Variants in MX1 observed in about 807,000 individuals in gnomAD.
MX1 encodes MX dynamin like GTPase 1, also known as interferon-induced GTP-binding protein Mx1.
In MX1, 66 loss-of-function variants were observed where a neutral mutation model predicts 66.4. The observed-to-expected ratio is 0.99, with a 90% confidence interval of 0.82 to 1.22. The LOEUF is 1.22. MX1 is among the 50% of genes most tolerant of loss of function. The pLI, the probability that MX1 is intolerant of heterozygous loss-of-function variation, is 0.00. For synonymous variants in MX1, 311 were observed against 318.1 expected (o/e 0.98, Z 0.24); for missense variants, 787 against 834.3 (o/e 0.94, Z 0.70).
chr21:41,455,773 G>A (rs1420990943), intron 16 of MX1, among the ~76,000 whole-genome samples: 1 of 152,212 alleles, frequency 6.6e-6, no homozygotes, highest in Non-Finnish European at 1.5e-5. Context: ...GTGGTATATT[G>A]AGCCAGCTCC....
At chr21:41,423,646 C>T (rs2090015689), upstream of MX1, among the ~76,000 whole-genome samples, 1 of 152,154 alleles carries the variant, frequency 6.6e-6, no homozygotes, top group Non-Finnish European at 1.5e-5. Flanking sequence ...TCCAGCTCGT[C>T]CCGTCTCTCA....
chr21:41,458,788 A>T lies in MX1; in HGVS notation c.*30A>T. On this transcript the variant is annotated 3_prime_UTR_variant, in exon 17 of 17. Coordinates refer to ENST00000398598, the MANE Select transcript of MX1 (RefSeq NM_002462.5). ...ACTCTGTCCAGCCCCGTAGACGTGC[A>T]CGCACACTGTCTGCCCCCGTTCCCG... The T allele has an allele frequency of 6.3e-7, 1 of 1,596,266 alleles. No individual in the cohort carries two copies. The highest frequency in any genetic ancestry group is 2.3e-5 in the East Asian group (1 of 44,018).
intron 16 of MX1, among the ~76,000 whole-genome samples, chr21:41,458,140 G>A (rs1285548952): frequency 6.6e-5 from 10 of 152,052 alleles, no homozygotes; most frequent in African/African-American, 1.2e-4. Context: ...ATGGTGTGCC[G>A]CCACACCTGG....
chr21:41,434,865 A>G (rs1469638336), intron 5 of MX1, among the ~76,000 whole-genome samples: 1 of 152,208 alleles, frequency 6.6e-6, no homozygotes, highest in Non-Finnish European at 1.5e-5. Flanking sequence ...CCCTTCTAGT[A>G]TAGACTCCTT....
chr21:41,444,472 G>T (rs1422402726), intron 11 of MX1, among the ~76,000 whole-genome samples: 1 of 151,414 alleles, frequency 6.6e-6, no homozygotes, highest in Non-Finnish European at 1.5e-5. Flanking sequence ...GATTACAGGT[G>T]CCCACCACCA....
intron 5 of MX1, among the ~76,000 whole-genome samples, chr21:41,435,318 A>G (rs1397533626): frequency 6.6e-6 from 1 of 152,094 alleles, no homozygotes; most frequent in Non-Finnish European, 1.5e-5. Context: ...GTTTGAGGGA[A>G]TTGTATGTAT....
chr21:41,448,766 A>G (rs533484123), intron 13 of MX1, among the ~76,000 whole-genome samples: 2 of 152,152 alleles, frequency 1.3e-5, no homozygotes, highest in African/African-American at 4.8e-5. Context: ...AGATCACGCC[A>G]CTGCACTCCA....
rs1337204689 is a variant in MX1 at position 41,440,862 on chromosome 21, G to A, written c.592-25G>A. The A allele has an allele frequency of 5.0e-6, 8 of 1,613,900 alleles. No individual in the cohort carries two copies. The Admixed American group carries it at 6.7e-5, about 13-fold the overall frequency. Reference sequence around the variant, plus strand: ...TCACTTGCCTTTGCCATACTCACGAGTCACCTCCTCTCATTTCCTTACAGA... The same window carrying A: ...TCACTTGCCTTTGCCATACTCACGAATCACCTCCTCTCATTTCCTTACAGA... On this transcript the variant is annotated intron_variant, in intron 8 of 16. Coordinates refer to ENST00000398598, the MANE Select transcript of MX1 (RefSeq NM_002462.5).
intron 7 of MX1, among the ~76,000 whole-genome samples, chr21:41,439,170 C>T (rs1476394542): frequency 6.6e-6 from 1 of 151,014 alleles, no homozygotes; most frequent in African/African-American, 2.4e-5. Context: ...GTGGTGTTAG[C>T]CAACAATTTG....
upstream of MX1, chr21:41,421,832 C>G (rs1166616598): frequency 6.5e-6 from 1 of 153,022 alleles, no homozygotes. Context: ...TTGCTTTTCC[C>G]CACAGGCACC....
intron 3 of MX1, chr21:41,429,916 A>AAAG (rs1437866395): frequency 3.3e-5 from 5 of 151,704 alleles, no homozygotes; most frequent in Admixed American, 1.3e-4. Flanking sequence ...AAAAAAAAAA[A>AAAG]AAAAAGAAAG....
intron 3 of MX1, among the ~76,000 whole-genome samples, chr21:41,430,084 A>G (rs1412796465): frequency 6.6e-6 from 1 of 151,910 alleles, no homozygotes; most frequent in African/African-American, 2.4e-5. Context: ...GCACTTCCCA[A>G]CCTTCCTGAC....
chr21:41,421,348 C>T (rs1275079671), upstream of MX1: 1 of 152,190 alleles, frequency 6.6e-6, no homozygotes, highest in East Asian at 1.9e-4. Context: ...GAGACAGATG[C>T]CTTCCTCTTG....
chr21:41,424,931 C>T (rs953226305), upstream of MX1, among the ~76,000 whole-genome samples: 2 of 152,194 alleles, frequency 1.3e-5, no homozygotes, highest in African/African-American at 4.8e-5. Flanking sequence ...TAACCCGTGA[C>T]AATTCTGAGG....
chr21:41,431,599 T>C (rs466591), intron 4 of MX1: 101,118 of 157,682 alleles, frequency 0.64, 34,689 homozygotes, highest in East Asian at 0.99. Flanking sequence ...CTCAGCCTCC[T>C]GAGTAGTTGG....
chr21:41,424,060 A>G (rs145343252), upstream of MX1, among the ~76,000 whole-genome samples: 1 of 152,302 alleles, frequency 6.6e-6, no homozygotes, highest in East Asian at 1.9e-4. Flanking sequence ...AGCATCACCC[A>G]GAGTGAAGTC....
Position 41,459,007 on chromosome 21 carries a change from A to AT in MX1, c.*253dup. The AT allele has an allele frequency of 4.8e-6, 3 of 621,548 alleles. No homozygotes were observed. Among genetic ancestry groups the AT allele is most frequent in the Non-Finnish European group, 8.0e-6 (3 of 373,366 alleles). 38.5% of individuals were successfully genotyped at this position (621,548 alleles called of 1,614,324 possible). On this transcript the variant is annotated 3_prime_UTR_variant, in exon 17 of 17. Transcript: ENST00000398598. ...ATGCTGTCTTCGTACTGGGAAAGGG[A>AT]TTTTCAGCCCTCAGAATCGCTCCAC...
At chr21:41,424,238 TG>T (rs1329563761), upstream of MX1, among the ~76,000 whole-genome samples, 1 of 151,550 alleles carries the variant, frequency 6.6e-6, no homozygotes, top group Admixed American at 6.6e-5. Context: ...TGTGTGTGTG[TG>T]TGTGTGTGTG....
At chr21:41,427,947 C>G (rs2090108872) in intron 3 of MX1, 81 bp downstream of exon 3, 1 of 152,264 alleles carries the variant, frequency 6.6e-6, no homozygotes, top group South Asian at 2.1e-4. Context: ...ACTCTGTCGC[C>G]CAGGCTGGAG....
Sources: gnomAD v4.1 joint callset for allele counts (sites outside exome capture counted in the v4.1 genomes callset) on GRCh38, gnomAD v4.1.1 for gene constraint, MANE v1.5 for transcripts, NCBI Gene and HGNC (gene_info 2026-07-23, HGNC 2026-07-21) for gene names.